Variants in CROCC2 observed in about 807,000 individuals in gnomAD.
The protein encoded by CROCC2 is ciliary rootlet coiled-coil, rootletin family member 2, also known as ciliary rootlet coiled-coil protein 2.
CROCC2 carries 163 observed loss-of-function variants against 177.6 expected under a neutral mutation model. The observed-to-expected ratio is 0.92, with a 90% CI of 0.81 to 1.05. The LOEUF (loss-of-function observed/expected upper bound fraction) is 1.05. Ranked by LOEUF, CROCC2 falls within the 50% of genes least tolerant of loss-of-function variation. The pLI, the probability that CROCC2 is intolerant of heterozygous loss-of-function variation, is 0.00. For synonymous variants in CROCC2, 904 were observed against 787.3 expected (o/e 1.15, Z -2.48); for missense variants, 1,929 against 1,797.8 (o/e 1.07, Z -1.32).
intron 31 of CROCC2, 62 bp from the exon 32 acceptor site, chr2:240,993,004 C>T (rs1247799511): frequency 1.4e-6 from 1 of 710,126 alleles, no homozygotes; most frequent in African/African-American, 1.8e-5. Context: ...CCCCCGGCAG[C>T]AGGAGCCCCC....
In CROCC2 at chr2:240,959,524, G is replaced by T. The variant is rs929295102; in HGVS notation, c.3087+80G>T. 1.3e-5 allele frequency: 19 copies of T among 1,469,236 alleles called. No homozygotes were observed. The African/African-American group carries it at 2.6e-4, about 20-fold the overall frequency. The allele number at this position is 1,469,236 out of a possible 1,614,324, so 91.0% of individuals were successfully genotyped here. ...GGCAGGTACCAAGAGAGGAGAGAGT[G>T]GGGGTGCCAGGAGGAAAGAGAGGCT... is the stretch of plus-strand genomic sequence containing the variant. On this transcript the variant is annotated intron_variant, in intron 20 of 31. Transcript: ENST00000690015.
At chr2:240,954,759 G>A (rs146257800) in intron 18 of CROCC2, 15 of 152,268 alleles carry the variant, frequency 9.9e-5, no homozygotes, top group Admixed American at 7.8e-4. Flanking sequence ...CTCTAATAAC[G>A]GGTCTTTCAG....
At chr2:240,975,306 G>A (rs1447563841) in intron 27 of CROCC2, among the ~76,000 whole-genome samples, 1 of 152,206 alleles carries the variant, frequency 6.6e-6, no homozygotes, top group Admixed American at 6.5e-5. Context: ...CCCTCTGTCT[G>A]GCCCCAGAGT....
rs1199110474 is a variant in CROCC2, at chr2:240,965,648, C to CA, written c.3617dup (p.Arg1207GlufsTer23). On this transcript the variant is annotated frameshift_variant, in exon 24 of 32. Coordinates refer to ENST00000690015, the MANE Select transcript of CROCC2 (RefSeq NM_001351305.2). LOFTEE classifies it high-confidence loss of function. Reference sequence around the variant, plus strand: ...ATCCCTCCTACAGGTCCTGGGATTGCAGAGGAAGTTGGCAGAGGTGGAGGC... The same window carrying CA: ...ATCCCTCCTACAGGTCCTGGGATTGCAAGAGGAAGTTGGCAGAGGTGGAGGC... The CA allele has an allele frequency of 1.3e-6, 2 of 1,550,506 alleles. No homozygotes were observed. Among genetic ancestry groups the CA allele is most frequent in the African/African-American group, 2.7e-5 (2 of 73,048 alleles).
chr2:240,961,256 C>T (rs1262958529), intron 20 of CROCC2, among the ~76,000 whole-genome samples: 1 of 152,012 alleles, frequency 6.6e-6, no homozygotes, highest in African/African-American at 2.4e-5. Context: ...ACACATCATC[C>T]ACGCAGTGAG....
Position 240,911,593 on chromosome 2 carries a change from C to T in CROCC2, c.78+5002C>T, listed in dbSNP as rs149567253. ...AATTACAGGTGTAAGCCGCCACGCC[C>T]GGCCCCAGAACTTTCATCTTCCCAA... On this transcript the variant is annotated intron_variant, in intron 1 of 31. Coordinates refer to ENST00000690015, the MANE Select transcript of CROCC2 (RefSeq NM_001351305.2). Among the ~76,000 whole-genome samples, 396 of 152,244 alleles carry T rather than the reference C, an allele frequency of 2.6e-3. 12 individuals are homozygous for T. The East Asian group carries it at 0.051, about 20-fold the overall frequency.
intron 6 of CROCC2, 41 bp from the exon 7 acceptor site, chr2:240,930,890 T>C (rs2059424745): frequency 3.0e-6 from 2 of 667,124 alleles, no homozygotes; most frequent in Non-Finnish European, 5.6e-6. Context: ...CCTCTGCAGA[T>C]GGGTCCTGAG....
At chr2:240,956,029 G>A (rs2059588136) in intron 19 of CROCC2, 57 bp downstream of exon 19, 13 of 1,298,692 alleles carry the variant, frequency 1.0e-5, no homozygotes, top group East Asian at 2.5e-5. Context: ...GCAGACCCCA[G>A]GGGGCCACCC....
rs138870366 is a variant in CROCC2 at position 240,920,725 on chromosome 2, G to A, written c.381+591G>A. 2.0e-5 allele frequency among the ~76,000 whole-genome samples: 3 copies of A among 152,374 alleles called. No individual in the cohort carries two copies. The East Asian group carries it at 5.8e-4, about 29-fold the overall frequency. ...TAGTGCCTTCCAGGGTGACCTGTGAGGTGAGCAAGAGGCATATTTAGTCAC... is the reference window on the plus strand; with the variant it reads ...TAGTGCCTTCCAGGGTGACCTGTGAAGTGAGCAAGAGGCATATTTAGTCAC... On this transcript the variant is annotated intron_variant, in intron 3 of 31. Coordinates refer to ENST00000690015, the MANE Select transcript of CROCC2 (RefSeq NM_001351305.2).
At chr2:240,925,554 T>C (rs897674267) in intron 4 of CROCC2, among the ~76,000 whole-genome samples, 170 bp from the exon 5 acceptor site, 3 of 152,062 alleles carry the variant, frequency 2.0e-5, no homozygotes, top group Admixed American at 6.5e-5. Flanking sequence ...AGGGGTCCTT[T>C]GTGGGGCCCA....
At chr2:240,990,880 C>A (rs931503403) in intron 30 of CROCC2, among the ~76,000 whole-genome samples, 1 of 152,216 alleles carries the variant, frequency 6.6e-6, no homozygotes, top group Non-Finnish European at 1.5e-5. Context: ...CAGGCGTGAG[C>A]CACTGCACCC....
Position 240,958,347 on chromosome 2 carries a change from G to A in CROCC2, c.2944-954G>A, listed in dbSNP as rs971145946. On this transcript the variant is annotated intron_variant, in intron 19 of 31. Transcript: ENST00000690015. The surrounding 1 kb of genome is among the most constrained non-coding windows in gnomAD (Gnocchi z 6.7). ...GAGCCATGGCCTAGTCACCCAAGAT[G>A]GCCCTTCTCAGTCCAGAGAGACCAG... is the stretch of plus-strand genomic sequence containing the variant. 5.3e-5 allele frequency among the ~76,000 whole-genome samples: 8 copies of A among 152,260 alleles called. No individual in the cohort carries two copies. The highest frequency in any genetic ancestry group is 1.9e-4 in the African/African-American group (8 of 41,542).
In CROCC2 at chr2:240,965,449, G is replaced by A. The variant is rs940795431; in HGVS notation, c.3534G>A (p.Ser1178=). 4.6e-5 allele frequency: 71 copies of A among 1,549,824 alleles called. 1 individual carries two copies. Among genetic ancestry groups the A allele is most frequent in the South Asian group, 3.5e-4 (29 of 84,028 alleles). ...GEAHELQAQC[S]QEVLELRRQA... ...CCCATGAGCTGCAGGCGCAGTGCTC[G>A]CAGGAGGTGCTGGAGCTGCGGAGGC... The change falls in exon 23 of 32, where the codon TCG becomes TCA. Residue 1178 remains serine, a synonymous_variant. Coordinates refer to ENST00000690015, the MANE Select transcript of CROCC2 (RefSeq NM_001351305.2).
chr2:240,948,923 A>C lies in CROCC2; in HGVS notation c.2364-56A>C. 18 of 1,496,108 alleles carry C rather than the reference A, an allele frequency of 1.2e-5. No homozygotes were observed. In the South Asian group the frequency reaches 2.2e-4, roughly 18 times the overall value. The allele number at this position is 1,496,108 out of a possible 1,614,324, so 92.7% of individuals were successfully genotyped here. A position where few individuals can be genotyped will look rare whatever the true frequency, so the allele number is the denominator to read the frequency against. ...ACACCTGTGTAAAGCTATAGAGAGC[A>C]TTTTACACGCAGGATCTTGGGGATG... On this transcript the variant is annotated intron_variant, in intron 15 of 31. Coordinates refer to ENST00000690015, the MANE Select transcript of CROCC2 (RefSeq NM_001351305.2).
chr2:240,974,232 G>A (rs187674680), intron 27 of CROCC2, among the ~76,000 whole-genome samples: 25 of 151,960 alleles, frequency 1.6e-4, no homozygotes, highest in Admixed American at 3.9e-4. Flanking sequence ...ATTTGCCAAC[G>A]GTTCATGTTT....
At chr2:240,911,408 G>A (rs1000851711) in intron 1 of CROCC2, among the ~76,000 whole-genome samples, 8 of 149,758 alleles carry the variant, frequency 5.3e-5, no homozygotes, top group African/African-American at 1.7e-4. Context: ...AGCAATTCTC[G>A]TGCTTTAGCC....
Position 240,991,193 on chromosome 2 carries a change from C to T in CROCC2, c.4864-3C>T. 6.5e-7 allele frequency: 1 copy of T among 1,544,786 alleles called. No homozygotes were observed. The highest frequency in any genetic ancestry group is 8.7e-7 in the Non-Finnish European group (1 of 1,144,084). On this transcript the variant is annotated splice_region_variant and splice_polypyrimidine_tract_variant and intron_variant, in intron 30 of 31. Transcript: ENST00000690015. ...CTGACCTGAGCCACTGTCCTGTCCC[C>T]AGGTGGCCAGCCTGAAGGAGCAACT...
Position 240,964,610 on chromosome 2 carries a change from G to T in CROCC2, c.3450G>T (p.Arg1150=). The T allele has an allele frequency of 6.5e-7, 1 of 1,549,338 alleles. No individual in the cohort carries two copies. Among genetic ancestry groups the T allele is most frequent in the Non-Finnish European group, 8.7e-7 (1 of 1,146,686 alleles). The change falls in exon 22 of 32, where the codon CGG becomes CGT. Residue 1150 remains arginine, a synonymous_variant. Transcript: ENST00000690015. The part of the protein sequence containing the change: ...QAGGDARQEL[R]ELHRQVRTLK... ...GGGGGGACGCCCGTCAGGAGCTCCG[G>T]GAACTCCACAGACAGGTAGGGCGGC...
intron 1 of CROCC2, among the ~76,000 whole-genome samples, chr2:240,910,105 G>C (rs1015758159): frequency 6.6e-6 from 1 of 152,140 alleles, no homozygotes; most frequent in Non-Finnish European, 1.5e-5. Flanking sequence ...CCCCACCCTG[G>C]AGCTGGAATT....
Sources: allele counts gnomAD v4.1 joint callset (sites outside exome capture counted in the v4.1 genomes callset), GRCh38; gene constraint gnomAD v4.1.1; non-coding constraint Gnocchi (gnomAD v3.1); transcripts MANE v1.5; gene names NCBI Gene and HGNC (gene_info 2026-07-23, HGNC 2026-07-21).